The following GHR variants were observed in gnomAD, a reference collection of about 807,000 sequenced individuals.
The protein encoded by GHR is GH receptor.
GHR carries 35 observed loss-of-function variants against 67.1 expected under a neutral mutation model. That is an observed-to-expected ratio of 0.52 (90% CI 0.40 to 0.69). GHR has a LOEUF of 0.69. Among genes scored for constraint, GHR ranks in the 30% least tolerant of loss-of-function variants. GHR has a pLI of 0.00. For synonymous variants in GHR, 272 were observed against 269.1 expected, an observed-to-expected ratio of 1.01 and a Z score of -0.10; for missense variants, 792 against 764.6, an observed-to-expected ratio of 1.04 and a Z score of -0.42.
chr5:42,645,103 T>C (rs1456008378), intron 3 of GHR, among the ~76,000 whole-genome samples: 1 of 152,160 alleles, frequency 6.6e-6, no homozygotes, highest in Non-Finnish European at 1.5e-5. Context: ...AATATTTGAG[T>C]TCTAGCTAAC....
chr5:42,621,606 C>G (rs900225198), intron 2 of GHR, among the ~76,000 whole-genome samples: 1 of 152,150 alleles, frequency 6.6e-6, no homozygotes, highest in Non-Finnish European at 1.5e-5. Context: ...TCTTGCTGAA[C>G]CCCTGCTATT....
intron 3 of GHR, among the ~76,000 whole-genome samples, chr5:42,676,937 T>C (rs1317019668): frequency 6.6e-6 from 1 of 152,052 alleles, no homozygotes; most frequent in Non-Finnish European, 1.5e-5. Flanking sequence ...CCTAAGTGTT[T>C]ATGTAAGCCT....
chr5:42,550,074 G>C (rs1748939574), intron 1 of GHR: 1 of 974,052 alleles, frequency 1.0e-6, no homozygotes, highest in Non-Finnish European at 1.2e-6. Context: ...TTGTCTGCCT[G>C]ATGATCAATG....
intron 1 of GHR, among the ~76,000 whole-genome samples, chr5:42,474,196 G>C (rs11744907): frequency 6.7e-6 from 1 of 150,034 alleles, no homozygotes; most frequent in African/African-American, 2.5e-5. Context: ...CTCTGAAAGA[G>C]AGAGAGAGAT....
At chr5:42,649,353 T>A (rs536200150) in intron 3 of GHR, among the ~76,000 whole-genome samples, 1 of 152,314 alleles carries the variant, frequency 6.6e-6, no homozygotes, top group African/African-American at 2.4e-5. Flanking sequence ...GAACATTTTT[T>A]AAAGAGGTTC....
rs34190075 is a variant in GHR, at chr5:42,713,420, G to T, written c.785-9G>T. On this transcript the variant is annotated splice_polypyrimidine_tract_variant and intron_variant, in intron 7 of 9. Transcript: ENST00000230882. ...AATTCTGAAAGCGAAATATTCTTGT[G>T]TGTTTCAGATTTCTACTTTCCATGG... The T allele has an allele frequency of 5.9e-6, 7 of 1,178,168 alleles. No individual in the cohort carries two copies. Among genetic ancestry groups the T allele is most frequent in the Non-Finnish European group, 8.9e-6 (7 of 785,506 alleles). 73.0% of individuals were successfully genotyped at this position (1,178,168 alleles called of 1,614,324 possible).
At chr5:42,440,594 G>C (rs1192317069) in intron 1 of GHR, among the ~76,000 whole-genome samples, 1 of 152,198 alleles carries the variant, frequency 6.6e-6, no homozygotes, top group Middle Eastern at 3.4e-3. Flanking sequence ...ACCATTGAAG[G>C]GTTTGAAGCA....
chr5:42,424,769 T>C lies in GHR; in HGVS notation c.-12+814T>C, dbSNP rs560425836. Among the ~76,000 whole-genome samples the C allele has an allele frequency of 6.6e-6, 1 of 152,330 alleles. No homozygotes were observed. The highest frequency in any genetic ancestry group is 2.1e-4 in the South Asian group (1 of 4,830). ...GCGCAGAGGGTGCGGGGCAGGGCACTTGCGAGTGCGTGGGGAAGTCTATTT... is the reference window on the plus strand; with the variant it reads ...GCGCAGAGGGTGCGGGGCAGGGCACCTGCGAGTGCGTGGGGAAGTCTATTT... On this transcript the variant is annotated intron_variant, in intron 1 of 9. Transcript: ENST00000230882. This position sits in a 1 kb window ranked among gnomAD's most constrained non-coding sequence, Gnocchi z 4.1.
In GHR at chr5:42,647,568, C is replaced by T. The variant is rs112570646; in HGVS notation, c.136+18465C>T. The T allele has an allele frequency of 6.3e-3, 2,458 of 390,712 alleles. 54 individuals carry two copies. Among genetic ancestry groups the T allele is most frequent in the African/African-American group, 0.054 (2,205 of 40,596 alleles). 24.2% of individuals were successfully genotyped at this position (390,712 alleles called of 1,614,324 possible). A position where few individuals can be genotyped will look rare whatever the true frequency, so the allele number is the denominator to read the frequency against. Reference sequence around the variant, plus strand: ...CAGCCTGGGCGACAGAGCAAGACTGCGTCTCCAAAAAAAAAAAAAAAAGTC... The same window carrying T: ...CAGCCTGGGCGACAGAGCAAGACTGTGTCTCCAAAAAAAAAAAAAAAAGTC... On this transcript the variant is annotated intron_variant, in intron 3 of 9. Coordinates refer to ENST00000230882, the MANE Select transcript of GHR (RefSeq NM_000163.5).
intron 2 of GHR, among the ~76,000 whole-genome samples, chr5:42,609,314 G>A (rs1389580537): frequency 6.6e-6 from 1 of 152,194 alleles, no homozygotes; most frequent in Admixed American, 6.5e-5. Flanking sequence ...TGAAGACCAA[G>A]GGTTCTGGGC....
At chr5:42,447,282 T>C (rs551989679) in intron 1 of GHR, among the ~76,000 whole-genome samples, 1 of 152,164 alleles carries the variant, frequency 6.6e-6, no homozygotes, top group Non-Finnish European at 1.5e-5. Context: ...TGTAGTCTTT[T>C]ATCCTTCACC....
intron 1 of GHR, chr5:42,515,053 A>G (rs1051555430): frequency 1.3e-5 from 2 of 152,186 alleles, no homozygotes; most frequent in Non-Finnish European, 2.9e-5. Flanking sequence ...TGCAGGCTTA[A>G]CCAAAATGCA....
intron 3 of GHR, among the ~76,000 whole-genome samples, chr5:42,670,276 C>T (rs559028302): frequency 6.6e-6 from 1 of 152,268 alleles, no homozygotes; most frequent in South Asian, 2.1e-4. Flanking sequence ...TGGGGAAAGA[C>T]AGTGTCTTCA....
At chr5:42,446,280 T>C (rs948752785) in intron 1 of GHR, among the ~76,000 whole-genome samples, 1 of 152,192 alleles carries the variant, frequency 6.6e-6, no homozygotes, top group African/African-American at 2.4e-5. Flanking sequence ...AGATATGGCA[T>C]CTGAGCTGAT....
At chr5:42,627,820 A>G (rs1194181736) in intron 2 of GHR, among the ~76,000 whole-genome samples, 2 of 152,138 alleles carry the variant, frequency 1.3e-5, no homozygotes. Context: ...AGCTCAATGG[A>G]CCCTCTGCCT....
In GHR at chr5:42,511,649, A is replaced by G. The variant is rs1233631048; in HGVS notation, c.-11-54215A>G. Among the ~76,000 whole-genome samples, 9 of 151,954 alleles carry G rather than the reference A, an allele frequency of 5.9e-5. 1 individual carries two copies. In the South Asian group the frequency reaches 1.5e-3, roughly 25 times the overall value. ...TCTGGCTGTTTTTTATTAGATAATA[A>G]TTTGTCTTCCTTTACTTACTGATTT... is the stretch of plus-strand genomic sequence containing the variant. On this transcript the variant is annotated intron_variant, in intron 1 of 9. Coordinates refer to ENST00000230882, the MANE Select transcript of GHR (RefSeq NM_000163.5).
chr5:42,479,725 G>A (rs1745525627), intron 1 of GHR, among the ~76,000 whole-genome samples: 1 of 152,030 alleles, frequency 6.6e-6, no homozygotes, highest in Non-Finnish European at 1.5e-5. Context: ...TGGGATTGGT[G>A]GTGATATCCC....
intron 1 of GHR, among the ~76,000 whole-genome samples, chr5:42,519,307 G>A (rs1747375276): frequency 6.6e-6 from 1 of 152,146 alleles, no homozygotes; most frequent in Non-Finnish European, 1.5e-5. Flanking sequence ...TAAGGGCAAT[G>A]CATTGTTTTT....
At chr5:42,454,771 C>G (rs1302528030) in intron 1 of GHR, among the ~76,000 whole-genome samples, 2 of 152,100 alleles carry the variant, frequency 1.3e-5, no homozygotes, top group African/African-American at 4.8e-5. Context: ...CAGTCTTACT[C>G]CAGGCCATAC....
Sources: gnomAD v4.1 joint callset for allele counts (sites outside exome capture counted in the v4.1 genomes callset) on GRCh38, gnomAD v4.1.1 for gene constraint, Gnocchi (gnomAD v3.1) non-coding constraint, MANE v1.5 for transcripts, NCBI Gene and HGNC (gene_info 2026-07-23, HGNC 2026-07-21) for gene names.